FAXC: variants seen among roughly 807,000 people sequenced by gnomAD.
FAXC encodes the protein failed axon connections homolog, metaxin like GST domain containing.
In FAXC, 10 loss-of-function variants were observed where a neutral mutation model predicts 41.9. That is an observed-to-expected ratio of 0.24 (90% confidence interval 0.15 to 0.41). The LOEUF (loss-of-function observed/expected upper bound fraction) is 0.41. Ranked by LOEUF, FAXC falls within the 10% of genes least tolerant of loss-of-function variation. FAXC has a pLI of 1.00. For missense variants in FAXC, 399 were observed against 510.9 expected, an observed-to-expected ratio of 0.78 and a Z score of 2.11; for synonymous variants, 183 against 183.8, an observed-to-expected ratio of 1.00 and a Z score of 0.03.
At chr6:99,304,466 G>A (rs151107518) in intron 4 of FAXC, among the ~76,000 whole-genome samples, 132 of 152,110 alleles carry the variant, frequency 8.7e-4, no homozygotes, top group Middle Eastern at 6.8e-3. Context: ...CAAACCCCAC[G>A]TTTCCCTTTT....
At chr6:99,287,175 C>A (rs1771059374) in intron 5 of FAXC, among the ~76,000 whole-genome samples, 2 of 152,086 alleles carry the variant, frequency 1.3e-5, no homozygotes, top group Admixed American at 6.6e-5. Flanking sequence ...ATTAAAAATA[C>A]CATTTTGAAG....
At chr6:99,304,901 C>T (rs974564029) in intron 4 of FAXC, among the ~76,000 whole-genome samples, 2 of 152,132 alleles carry the variant, frequency 1.3e-5, no homozygotes, top group African/African-American at 4.8e-5. Context: ...TCCAACATAG[C>T]CCAGGGAGGC....
In FAXC at chr6:99,276,250, T is replaced by A. The variant is rs1770612851; in HGVS notation, c.*4914A>T. ...TATTGAAAATACACTCAACAATTGT[T>A]CTATGAATGAATGAATAAATGAATA... On this transcript the variant is annotated 3_prime_UTR_variant, in exon 6 of 6. Transcript: ENST00000389677. 1 of 152,082 alleles carries A rather than the reference T, an allele frequency of 6.6e-6. No individual in the cohort carries two copies. Among genetic ancestry groups the A allele is most frequent in the South Asian group, 2.1e-4 (1 of 4,828 alleles). 9.4% of individuals were successfully genotyped at this position (152,082 alleles called of 1,614,324 possible).
At chr6:99,349,024 G>T in intron 1 of FAXC, 83 bp downstream of exon 1, 1 of 1,359,824 alleles carries the variant, frequency 7.4e-7, no homozygotes, top group South Asian at 1.3e-5. Context: ...CCGAGGGGCT[G>T]GCACGGGCCC....
chr6:99,315,718 T>G (rs1405935710), intron 4 of FAXC, among the ~76,000 whole-genome samples: 1 of 152,216 alleles, frequency 6.6e-6, no homozygotes, highest in African/African-American at 2.4e-5. Flanking sequence ...AAATTTAAAT[T>G]TTTTGCTCAG....
In FAXC at chr6:99,273,539, C is replaced by CCCAA. The variant is rs1770489065; in HGVS notation, c.*7624_*7625insTTGG. 1 of 148,558 alleles carries CCCAA rather than the reference C, an allele frequency of 6.7e-6. No individual in the cohort carries two copies. The highest frequency in any genetic ancestry group is 1.5e-5 in the Non-Finnish European group (1 of 67,438). The allele number at this position is 148,558 out of a possible 1,614,324, so 9.2% of individuals were successfully genotyped here. On this transcript the variant is annotated 3_prime_UTR_variant, in exon 6 of 6. Coordinates refer to ENST00000389677, the MANE Select transcript of FAXC (RefSeq NM_032511.4). ...CTGGAATTTTCAAGGCATTCTAGATCAAGTGGTCCCAAAAGCAGAATTAAA... is the reference window on the plus strand; with the variant it reads ...CTGGAATTTTCAAGGCATTCTAGATCCCAAAAGTGGTCCCAAAAGCAGAATTAAA...
intron 3 of FAXC, among the ~76,000 whole-genome samples, chr6:99,331,310 T>C (rs1031124434): frequency 6.6e-6 from 1 of 152,122 alleles, no homozygotes; most frequent in Admixed American, 6.5e-5. Context: ...CCCCAAGCCT[T>C]TGGAAATTTG....
intron 4 of FAXC, among the ~76,000 whole-genome samples, chr6:99,299,254 C>T (rs1170054305): frequency 1.3e-5 from 2 of 152,214 alleles, no homozygotes; most frequent in African/African-American, 4.8e-5. Flanking sequence ...CTCCTTCCTC[C>T]CTAATTCTTT....
At chr6:99,336,091 A>T (rs193068049) in intron 2 of FAXC, among the ~76,000 whole-genome samples, 19 of 152,190 alleles carry the variant, frequency 1.2e-4, no homozygotes, top group Non-Finnish European at 1.9e-4. Flanking sequence ...ATAAAAAAAA[A>T]TTTTACAGAC....
chr6:99,327,260 T>C (rs753410558), intron 3 of FAXC, among the ~76,000 whole-genome samples: 1 of 152,164 alleles, frequency 6.6e-6, no homozygotes, highest in Admixed American at 6.5e-5. Flanking sequence ...AAATAGATGC[T>C]TCATAGATTC....
At position 99,281,139 on chromosome 6, in the gene FAXC, G is replaced by T. The variant is rs2128446097; in HGVS notation, c.*25C>A. The T allele has an allele frequency of 9.1e-7, 1 of 1,095,406 alleles. No homozygotes were observed. Among genetic ancestry groups the T allele is most frequent in the East Asian group, 2.4e-5 (1 of 42,438 alleles). 67.9% of individuals were successfully genotyped at this position (1,095,406 alleles called of 1,614,324 possible). Reference sequence around the variant, plus strand: ...CGACCCAGGGAGTGGCAGGTCCCAAGGAAGAGGGTCAGTGAGGCTGGACGT... The same window carrying T: ...CGACCCAGGGAGTGGCAGGTCCCAATGAAGAGGGTCAGTGAGGCTGGACGT... On this transcript the variant is annotated 3_prime_UTR_variant, in exon 6 of 6. Transcript: ENST00000389677.
chr6:99,324,404 C>T (rs1344041405), intron 3 of FAXC, among the ~76,000 whole-genome samples: 2 of 152,060 alleles, frequency 1.3e-5, no homozygotes, highest in Non-Finnish European at 2.9e-5. Context: ...GGAGTAAGTG[C>T]ACCTGTCCAT....
intron 4 of FAXC, among the ~76,000 whole-genome samples, chr6:99,298,122 A>C (rs1358808161): frequency 6.6e-6 from 1 of 152,220 alleles, no homozygotes; most frequent in East Asian, 1.9e-4. Context: ...CAGACTGTGA[A>C]TAGCACTGTT....
At chr6:99,338,075 G>A (rs897403168) in intron 2 of FAXC, among the ~76,000 whole-genome samples, 4 of 152,082 alleles carry the variant, frequency 2.6e-5, no homozygotes, top group Non-Finnish European at 5.9e-5. Context: ...AAGGGAATGG[G>A]AATCAAGGTA....
chr6:99,296,300 G>T (rs565490864), intron 4 of FAXC, among the ~76,000 whole-genome samples: 101 of 152,174 alleles, frequency 6.6e-4, no homozygotes, highest in African/African-American at 2.4e-3. Context: ...GGCAAAAGCA[G>T]AACACTCAGG....
At chr6:99,340,751 C>T (rs1004894996) in intron 2 of FAXC, among the ~76,000 whole-genome samples, 10 of 148,450 alleles carry the variant, frequency 6.7e-5, no homozygotes, top group South Asian at 4.2e-4. Flanking sequence ...TCACTGCAAC[C>T]TCTGCCTCCC....
rs145125244 is a variant in FAXC at position 99,296,682 on chromosome 6, G to A, written c.824-4862C>T. ...AGTAGCAAAGTGACTTCAGGTTCCCGCAGTGACCCGACAGACCTCATGGCT... is the reference window on the plus strand; with the variant it reads ...AGTAGCAAAGTGACTTCAGGTTCCCACAGTGACCCGACAGACCTCATGGCT... On this transcript the variant is annotated intron_variant, in intron 4 of 5. Transcript: ENST00000389677. Among the ~76,000 whole-genome samples the A allele has an allele frequency of 7.2e-3, 1,090 of 152,222 alleles. 15 individuals carry two copies. Among genetic ancestry groups the A allele is most frequent in the African/African-American group, 0.025 (1,036 of 41,516 alleles).
chr6:99,313,380 T>C (rs1772219911), intron 4 of FAXC, among the ~76,000 whole-genome samples: 2 of 152,256 alleles, frequency 1.3e-5, no homozygotes, highest in African/African-American at 4.8e-5. Flanking sequence ...TACCTCTTTA[T>C]ATGTCTTCTG....
intron 5 of FAXC, among the ~76,000 whole-genome samples, chr6:99,288,031 A>T (rs1237245319): frequency 6.6e-6 from 1 of 152,196 alleles, no homozygotes; most frequent in Non-Finnish European, 1.5e-5. Context: ...GATTCCCCAG[A>T]TGTGCATGAG....
Sources: allele counts gnomAD v4.1 joint callset (sites outside exome capture counted in the v4.1 genomes callset), GRCh38; gene constraint gnomAD v4.1.1; transcripts MANE v1.5; gene names NCBI Gene and HGNC (gene_info 2026-07-23, HGNC 2026-07-21).